Variants in PRLR observed in about 807,000 individuals in gnomAD.
PRLR encodes prolactin receptor.
In PRLR, 13 loss-of-function variants were observed where a neutral mutation model predicts 40.2. The observed-to-expected ratio is 0.32, with a 90% CI of 0.21 to 0.51. The LOEUF (loss-of-function observed/expected upper bound fraction) is 0.51. Among genes scored for constraint, PRLR ranks in the 20% least tolerant of loss-of-function variants. The probability of loss-of-function intolerance (pLI) is 0.97; values close to 1 mark genes in which losing one functional copy is unlikely to be tolerated. For synonymous variants in PRLR, 269 were observed against 278.7 expected (o/e 0.97, Z 0.35); for missense variants, 656 against 747.3 (o/e 0.88, Z 1.42).
At chr5:35,183,046 C>T (rs62355519) in intron 1 of PRLR, among the ~76,000 whole-genome samples, 11,061 of 152,264 alleles carry the variant, frequency 0.073, 439 homozygotes, top group East Asian at 0.12. Context: ...GCCCCTCTCC[C>T]ACCCAAGGAA....
intron 8 of PRLR, among the ~76,000 whole-genome samples, chr5:35,050,191 G>T (rs907237493): frequency 7.9e-5 from 12 of 152,212 alleles, no homozygotes; most frequent in Admixed American, 2.6e-4. Context: ...GAGCCACTGC[G>T]CCCGGCCGGA....
chr5:35,197,754 C>T (rs974068219), intron 1 of PRLR, among the ~76,000 whole-genome samples: 4 of 152,264 alleles, frequency 2.6e-5, no homozygotes, highest in African/African-American at 9.6e-5. Flanking sequence ...GACTGCTGCT[C>T]AGATCATGCA....
At chr5:35,066,742 C>T (rs1769392543) in intron 9 of PRLR, among the ~76,000 whole-genome samples, 1 of 151,140 alleles carries the variant, frequency 6.6e-6, no homozygotes, top group Non-Finnish European at 1.5e-5. Flanking sequence ...CCTCCTGCCT[C>T]CTCCTCTCAC....
At chr5:35,093,636 A>G (rs1771358369) in intron 2 of PRLR, among the ~76,000 whole-genome samples, 1 of 152,104 alleles carries the variant, frequency 6.6e-6, no homozygotes, top group Admixed American at 6.5e-5. Flanking sequence ...GCTCTTGCAA[A>G]CTCAGTTCCT....
chr5:35,143,684 T>C (rs1774088070), intron 1 of PRLR, among the ~76,000 whole-genome samples: 1 of 152,226 alleles, frequency 6.6e-6, no homozygotes, highest in Non-Finnish European at 1.5e-5. Context: ...AAGAAATATT[T>C]GTTAAATGAA....
chr5:35,142,855 G>C (rs190880109), intron 1 of PRLR, among the ~76,000 whole-genome samples: 1 of 152,216 alleles, frequency 6.6e-6, no homozygotes, highest in African/African-American at 2.4e-5. Flanking sequence ...TTTACTTGCT[G>C]TGTGAGTTAC....
intron 1 of PRLR, among the ~76,000 whole-genome samples, chr5:35,141,975 A>G (rs144368920): frequency 1.2e-4 from 19 of 152,336 alleles, no homozygotes; most frequent in African/African-American, 4.3e-4. Flanking sequence ...ACTGCTCAGC[A>G]CCATGTCATA....
intron 1 of PRLR, among the ~76,000 whole-genome samples, chr5:35,218,089 T>A (rs191297065): frequency 6.6e-6 from 1 of 152,334 alleles, no homozygotes; most frequent in African/African-American, 2.4e-5. Flanking sequence ...TATGCAAAGA[T>A]TTGAAATAGC....
intron 1 of PRLR, among the ~76,000 whole-genome samples, chr5:35,164,586 G>C (rs1774767512): frequency 6.6e-6 from 1 of 152,196 alleles, no homozygotes; most frequent in African/African-American, 2.4e-5. Context: ...TATAAGACTG[G>C]GGAGGCAGGT....
At chr5:35,049,050 T>C in exon 9 of PRLR, 1 of 616,224 alleles carries the variant, frequency 1.6e-6, no homozygotes, top group East Asian at 3.3e-5. Flanking sequence ...GCAGAGGGAG[T>C]ATGTTACATT....
chr5:35,150,579 C>T (rs1318882658), intron 1 of PRLR, among the ~76,000 whole-genome samples: 1 of 152,078 alleles, frequency 6.6e-6, no homozygotes, highest in Non-Finnish European at 1.5e-5. Context: ...TTGAATTAAA[C>T]CATCTACATT....
At chr5:35,102,632 G>T (rs1771973517) in intron 2 of PRLR, among the ~76,000 whole-genome samples, 1 of 150,940 alleles carries the variant, frequency 6.6e-6, no homozygotes, top group African/African-American at 2.4e-5. Flanking sequence ...AACCTCCAAT[G>T]CCCGGGTTCA....
chr5:35,075,701 GCA>G (rs1031703572), intron 5 of PRLR, among the ~76,000 whole-genome samples: 1 of 152,216 alleles, frequency 6.6e-6, no homozygotes, highest in African/African-American at 2.4e-5. Context: ...GGTTCTCCCA[GCA>G]CAGAGTTTGA....
chr5:35,110,128 A>G (rs1425077449), intron 2 of PRLR, among the ~76,000 whole-genome samples: 1 of 152,142 alleles, frequency 6.6e-6, no homozygotes, highest in African/African-American at 2.4e-5. Flanking sequence ...CAGAAAACCA[A>G]ACACCGCATG....
intron 1 of PRLR, among the ~76,000 whole-genome samples, chr5:35,124,885 T>C (rs930708867): frequency 1.3e-5 from 2 of 152,206 alleles, no homozygotes; most frequent in Non-Finnish European, 2.9e-5. Flanking sequence ...TATCAGTCAA[T>C]TGGTGTTCTC....
In PRLR at chr5:35,212,274, G is replaced by T. The variant is rs1436860920; in HGVS notation, c.-106+17994C>A. ...TTGGAGATTCAGCAATCAAGTTAAA[G>T]ATACTTCCTGAATTTTAGAAAGCTG... is the stretch of plus-strand genomic sequence containing the variant. On this transcript the variant is annotated intron_variant, in intron 1 of 9. Coordinates refer to ENST00000618457, the MANE Select transcript of PRLR (RefSeq NM_000949.7). Among the ~76,000 whole-genome samples the T allele has an allele frequency of 3.3e-5, 5 of 152,220 alleles. No individual in the cohort carries two copies. The East Asian group carries it at 9.6e-4, about 29-fold the overall frequency.
intron 2 of PRLR, among the ~76,000 whole-genome samples, chr5:35,090,350 T>C (rs1165104150): frequency 6.6e-6 from 1 of 152,074 alleles, no homozygotes; most frequent in Admixed American, 6.6e-5. Context: ...CCTGCAGGGG[T>C]TGGGAGTTTG....
chr5:35,216,687 C>T (rs1776295932), intron 1 of PRLR, among the ~76,000 whole-genome samples: 1 of 152,154 alleles, frequency 6.6e-6, no homozygotes, highest in African/African-American at 2.4e-5. Flanking sequence ...AGAAAACTTT[C>T]ATTTCTTTAG....
chr5:35,067,388 G>GCTAC (rs1215885154), intron 9 of PRLR, among the ~76,000 whole-genome samples: 4 of 152,110 alleles, frequency 2.6e-5, no homozygotes, highest in Non-Finnish European at 2.9e-5. Flanking sequence ...TCAGGCCAAT[G>GCTAC]CTACACTGGA....
Sources: gnomAD v4.1 joint callset for allele counts (sites outside exome capture counted in the v4.1 genomes callset) on GRCh38, gnomAD v4.1.1 for gene constraint, MANE v1.5 for transcripts, NCBI Gene and HGNC (gene_info 2026-07-23, HGNC 2026-07-21) for gene names.